Variants in GJA4 observed in about 807,000 individuals in gnomAD.
The protein encoded by GJA4 is gap junction alpha-4 protein.
A neutral mutation model predicts 25.1 loss-of-function variants in GJA4; 13 were observed. The observed-to-expected ratio is 0.52, with a 90% CI of 0.34 to 0.82. The LOEUF is 0.82. Among genes scored for constraint, GJA4 ranks in the 40% least tolerant of loss-of-function variants. The probability of loss-of-function intolerance (pLI) is 0.02; values close to 1 mark genes in which losing one functional copy is unlikely to be tolerated. For missense variants in GJA4, 357 were observed against 443.5 expected, an observed-to-expected ratio of 0.80 and a Z score of 1.75; for synonymous variants, 167 against 193.9, an observed-to-expected ratio of 0.86 and a Z score of 1.15.
Position 34,794,744 on chromosome 1 carries a change from C to T in GJA4, c.531C>T (p.Tyr177=), listed in dbSNP as rs767171033. The change falls in exon 2 of 2, where the codon TAC becomes TAT. Residue 177 remains tyrosine, a synonymous_variant. Coordinates refer to ENST00000342280, the MANE Select transcript of GJA4 (RefSeq NM_002060.3). The surrounding 1 kb of genome is among the most constrained non-coding windows in gnomAD (Gnocchi z 7.8). ...TCCTCTATGGCCAGTGGCGCCTGTA[C>T]GGCTGGACCATGGAGCCCGTGTTTG... ...AGFLYGQWRL[Y]GWTMEPVFVC... 1.1e-5 allele frequency: 18 copies of T among 1,613,606 alleles called. No homozygotes were observed. In the East Asian group the frequency reaches 2.2e-4, roughly 20 times the overall value.
Position 34,794,160 on chromosome 1 carries a change from C to A in GJA4, c.-17-37C>A, listed in dbSNP as rs140567865. ...TGTTGCTGGGCGAACGAGAAGGATG[C>A]CATGCTGACACACTGACGTGCTCTG... On this transcript the variant is annotated intron_variant, in intron 1 of 1. Transcript: ENST00000342280. This position sits in a 1 kb window ranked among gnomAD's most constrained non-coding sequence, Gnocchi z 7.8. The A allele has an allele frequency of 1.3e-4, 192 of 1,529,838 alleles. 2 individuals carry two copies. In the African/African-American group the frequency reaches 1.9e-3, roughly 15 times the overall value. 94.8% of individuals were successfully genotyped at this position (1,529,838 alleles called of 1,614,324 possible). A position where few individuals can be genotyped will look rare whatever the true frequency, so the allele number is the denominator to read the frequency against.
chr1:34,793,589 G>A (rs894429164), intron 1 of GJA4, among the ~76,000 whole-genome samples: 10 of 152,314 alleles, frequency 6.6e-5, no homozygotes, highest in Admixed American at 3.3e-4. Context: ...ATTGCTGACC[G>A]GTGGAGCTAA....
Position 34,794,771 on chromosome 1 carries a change from G to T in GJA4, c.558G>T (p.Val186=). The change falls in exon 2 of 2, where the codon GTG becomes GTT. Residue 186 remains valine (V), a synonymous_variant. Coordinates refer to ENST00000342280, the MANE Select transcript of GJA4 (RefSeq NM_002060.3). This position sits in a 1 kb window ranked among gnomAD's most constrained non-coding sequence, Gnocchi z 7.8. ...GCTGGACCATGGAGCCCGTGTTTGTGTGCCAGCGAGCACCCTGCCCCTACC... is the reference window on the plus strand; with the variant it reads ...GCTGGACCATGGAGCCCGTGTTTGTTTGCCAGCGAGCACCCTGCCCCTACC... The part of the protein sequence containing the change: ...LYGWTMEPVF[V]CQRAPCPYLV... 6.2e-7 allele frequency: 1 copy of T among 1,614,030 alleles called. No homozygotes were observed. The highest frequency in any genetic ancestry group is 1.3e-5 in the African/African-American group (1 of 75,040).
rs1167053930 is a variant in GJA4 at position 34,794,084 on chromosome 1, G to T, written c.-17-113G>T. ...CCAGGCCAGTCCTTCCCCTTCCTGA[G>T]CCTGGGTTTCTTTGTAGGTAGAACG... is the stretch of plus-strand genomic sequence containing the variant. On this transcript the variant is annotated intron_variant, in intron 1 of 1. Transcript: ENST00000342280. The surrounding 1 kb of genome is among the most constrained non-coding windows in gnomAD (Gnocchi z 7.8). 1.2e-6 allele frequency: 1 copy of T among 836,456 alleles called. No homozygotes were observed. The highest frequency in any genetic ancestry group is 1.9e-6 in the Non-Finnish European group (1 of 540,026). 51.8% of individuals were successfully genotyped at this position (836,456 alleles called of 1,614,324 possible). A position where few individuals can be genotyped will look rare whatever the true frequency, so the allele number is the denominator to read the frequency against.
Position 34,794,275 on chromosome 1 carries a change from TG to T in GJA4, c.65del (p.Gly22ValfsTer5). 6.2e-7 allele frequency: 1 copy of T among 1,614,100 alleles called. No individual in the cohort carries two copies. On this transcript the variant is annotated frameshift_variant, in exon 2 of 2. Coordinates refer to ENST00000342280, the MANE Select transcript of GJA4 (RefSeq NM_002060.3). LOFTEE classifies it high-confidence loss of function. This position sits in a 1 kb window ranked among gnomAD's most constrained non-coding sequence, Gnocchi z 7.8. ...LDQVQEHSTV[V>X]GKIWLTVLFI... ...CAGGTCCAGGAGCACTCGACCGTGGTGGGTAAGATCTGGCTGACGGTGCTCT... is the reference window on the plus strand; with the variant it reads ...CAGGTCCAGGAGCACTCGACCGTGGTGGTAAGATCTGGCTGACGGTGCTCT...
At position 34,795,151 on chromosome 1, in the gene GJA4, C is replaced by T; in HGVS notation, c.938C>T (p.Pro313Leu). 1 of 1,613,144 alleles carries T rather than the reference C, an allele frequency of 6.2e-7. No individual in the cohort carries two copies. Among genetic ancestry groups the T allele is most frequent in the South Asian group, 1.1e-5 (1 of 91,056 alleles). Reference sequence around the variant, plus strand: ...CCCCCTCTCTTCCTGGACCCACCCCCTCAGAATGGCCAAAAACCCCCAAGT... The same window carrying T: ...CCCCCTCTCTTCCTGGACCCACCCCTTCAGAATGGCCAAAAACCCCCAAGT... ...SRPPLFLDPPPQNGQKPPSRP... is the reference protein window; with the variant it reads ...SRPPLFLDPPLQNGQKPPSRP... Residue 313 changes from proline to leucine, a missense_variant, in exon 2 of 2, where the codon CCT (proline) becomes CTT (leucine). This residue lies in a region of GJA4 where 278 missense variants were observed against 298.1 expected (regional missense o/e 0.93). Transcript: ENST00000342280.
intron 1 of GJA4, among the ~76,000 whole-genome samples, chr1:34,793,623 T>TA (rs1640222664): frequency 6.6e-6 from 1 of 152,186 alleles, no homozygotes; most frequent in Non-Finnish European, 1.5e-5. Flanking sequence ...CTTCAGCTCC[T>TA]AAAACCCCTT....
rs1359282885 is a variant in GJA4, at chr1:34,794,658, G to A, written c.445G>A (p.Gly149Arg). Residue 149 changes from glycine to arginine, a missense_variant, in exon 2 of 2, where the codon GGA becomes AGA. Transcript: ENST00000342280. This position sits in a 1 kb window ranked among gnomAD's most constrained non-coding sequence, Gnocchi z 7.8. The part of the protein sequence containing the change: ...VAEDGRLRIR[G>R]ALMGTYVASV... ...AGAAGATGGTCGCCTGCGCATCCGCGGAGCACTGATGGGCACCTATGTCGC... is the reference window on the plus strand; with the variant it reads ...AGAAGATGGTCGCCTGCGCATCCGCAGAGCACTGATGGGCACCTATGTCGC... 7 of 1,609,260 alleles carry A rather than the reference G, an allele frequency of 4.3e-6. No individual in the cohort carries two copies. The highest frequency in any genetic ancestry group is 4.2e-6 in the Non-Finnish European group (5 of 1,179,976).
chr1:34,794,252 G>A lies in GJA4; in HGVS notation c.39G>A (p.Gln13=). 1 of 1,614,216 alleles carries A rather than the reference G, an allele frequency of 6.2e-7. No homozygotes were observed. Among genetic ancestry groups the A allele is most frequent in the Non-Finnish European group, 8.5e-7 (1 of 1,180,026 alleles). ...GCTTCCTGGAGAAGTTGCTGGACCA[G>A]GTCCAGGAGCACTCGACCGTGGTGG... The part of the protein sequence containing the change: ...DWGFLEKLLD[Q]VQEHSTVVGK... The change falls in exon 2 of 2, where the codon CAG becomes CAA. Residue 13 remains glutamine, a synonymous_variant. Coordinates refer to ENST00000342280, the MANE Select transcript of GJA4 (RefSeq NM_002060.3). This position sits in a 1 kb window ranked among gnomAD's most constrained non-coding sequence, Gnocchi z 7.8.
rs1371956170 is a variant in GJA4, at chr1:34,794,474, A to G, written c.261A>G (p.Thr87=). The change falls in exon 2 of 2, where the codon ACA becomes ACG. Residue 87 remains threonine (T), a synonymous_variant. Coordinates refer to ENST00000342280, the MANE Select transcript of GJA4 (RefSeq NM_002060.3). The surrounding 1 kb of genome is among the most constrained non-coding windows in gnomAD (Gnocchi z 7.8). ...YWVLQFLFVS[T]PTLVYLGHVI... The stretch of plus-strand genomic sequence containing the variant: ...TGCTGCAGTTCCTCTTCGTCAGCAC[A>G]CCCACCCTGGTCTACCTGGGCCATG... 3 of 1,613,776 alleles carry G rather than the reference A, an allele frequency of 1.9e-6. No individual in the cohort carries two copies. Among genetic ancestry groups the G allele is most frequent in the Non-Finnish European group, 1.7e-6 (2 of 1,179,964 alleles).
chr1:34,794,333 C>T lies in GJA4; in HGVS notation c.120C>T (p.Ala40=), dbSNP rs372927658. The change falls in exon 2 of 2, where the codon GCC becomes GCT. Residue 40 remains alanine, a synonymous_variant. Transcript: ENST00000342280. The surrounding 1 kb of genome is among the most constrained non-coding windows in gnomAD (Gnocchi z 7.8). Reference sequence around the variant, plus strand: ...TCCGCATCCTCATCCTGGGCCTGGCCGGCGAGTCAGTGTGGGGTGACGAGC... The same window carrying T: ...TCCGCATCCTCATCCTGGGCCTGGCTGGCGAGTCAGTGTGGGGTGACGAGC... ...FIFRILILGL[A]GESVWGDEQS... is the part of the protein sequence containing the mutation. 1.2e-6 allele frequency: 2 copies of T among 1,614,144 alleles called. No homozygotes were observed. The highest frequency in any genetic ancestry group is 1.1e-5 in the South Asian group (1 of 91,074).
In GJA4 at chr1:34,795,168, C is replaced by T. The variant is rs1764391; in HGVS notation, c.955C>T (p.Pro319Ser). The T allele has an allele frequency of 0.3, 489,102 of 1,611,582 alleles. 78,464 individuals are homozygous for T. The highest frequency in any genetic ancestry group is 0.54 in the African/African-American group (40,459 of 74,862). ...LDPPPQNGQK[P>S]PSRPSSSASK... ...CCCACCCCCTCAGAATGGCCAAAAA[C>T]CCCCAAGTCGTCCCAGCAGCTCTGC... The change falls in exon 2 of 2, where the codon CCC (proline) becomes TCC (serine). Residue 319 changes from proline to serine, a missense_variant. Transcript: ENST00000342280.
Position 34,795,212 on chromosome 1 carries a change from A to G in GJA4, c.999A>G (p.Val333=), listed in dbSNP as rs747750822. ...GCTCTGCTTCTAAGAAGCAGTATGT[A>G]TAGAGGCCTGTGGCTTATGTCACCC... ...PSSSASKKQY[V] is the part of the protein sequence containing the mutation. The change falls in exon 2 of 2, where the codon GTA becomes GTG. Residue 333 remains valine, a synonymous_variant. Coordinates refer to ENST00000342280, the MANE Select transcript of GJA4 (RefSeq NM_002060.3). 2 of 1,598,886 alleles carry G rather than the reference A, an allele frequency of 1.3e-6. No individual in the cohort carries two copies. The highest frequency in any genetic ancestry group is 1.7e-5 in the Admixed American group (1 of 58,202).
At position 34,794,864 on chromosome 1, in the gene GJA4, A is replaced by C. The variant is rs1293894406; in HGVS notation, c.651A>C (p.Gly217=). The change falls in exon 2 of 2, where the codon GGA becomes GGC. Residue 217 remains glycine, a synonymous_variant. Transcript: ENST00000342280. The surrounding 1 kb of genome is among the most constrained non-coding windows in gnomAD (Gnocchi z 7.8). ...TIFIIFMLVV[G]LISLVLNLLE... ...TCATCATCTTCATGTTGGTGGTTGG[A>C]CTCATCTCCCTGGTGCTTAACCTGC... 1 of 1,613,770 alleles carries C rather than the reference A, an allele frequency of 6.2e-7. No individual in the cohort carries two copies. The highest frequency in any genetic ancestry group is 2.2e-5 in the East Asian group (1 of 44,832).
Position 34,794,497 on chromosome 1 carries a change from A to G in GJA4, c.284A>G (p.His95Arg). ...VSTPTLVYLG[H>R]VIYLSRREER... ...ACACCCACCCTGGTCTACCTGGGCCATGTCATTTACCTGTCTCGGCGAGAA... is the reference window on the plus strand; with the variant it reads ...ACACCCACCCTGGTCTACCTGGGCCGTGTCATTTACCTGTCTCGGCGAGAA... Residue 95 changes from histidine (H) to arginine (R), a missense_variant, in exon 2 of 2, where the codon CAT becomes CGT. Physicochemically the swap from His to Arg is conservative, Grantham distance 29. Around this residue, in one of 2 missense-constraint regions of GJA4, gnomAD observed 79 missense variants for 145.4 expected, o/e 0.54. Transcript: ENST00000342280. The surrounding 1 kb of genome is among the most constrained non-coding windows in gnomAD (Gnocchi z 7.8). The G allele has an allele frequency of 6.2e-7, 1 of 1,614,116 alleles. No homozygotes were observed.
chr1:34,794,085 C>A lies in GJA4; in HGVS notation c.-17-112C>A. 1 of 839,566 alleles carries A rather than the reference C, an allele frequency of 1.2e-6. No individual in the cohort carries two copies. Among genetic ancestry groups the A allele is most frequent in the Non-Finnish European group, 1.8e-6 (1 of 542,660 alleles). 52.0% of individuals were successfully genotyped at this position (839,566 alleles called of 1,614,324 possible). On this transcript the variant is annotated intron_variant, in intron 1 of 1. Transcript: ENST00000342280. The surrounding 1 kb of genome is among the most constrained non-coding windows in gnomAD (Gnocchi z 7.8). Reference sequence around the variant, plus strand: ...CAGGCCAGTCCTTCCCCTTCCTGAGCCTGGGTTTCTTTGTAGGTAGAACGG... The same window carrying A: ...CAGGCCAGTCCTTCCCCTTCCTGAGACTGGGTTTCTTTGTAGGTAGAACGG...
chr1:34,794,257 A>G lies in GJA4; in HGVS notation c.44A>G (p.Gln15Arg). 1.2e-6 allele frequency: 2 copies of G among 1,614,218 alleles called. No individual in the cohort carries two copies. The highest frequency in any genetic ancestry group is 1.7e-6 in the Non-Finnish European group (2 of 1,180,036). The change falls in exon 2 of 2, where the codon CAG (glutamine) becomes CGG (arginine). Residue 15 changes from glutamine (Q) to arginine (R), a missense_variant. Transcript: ENST00000342280. This position sits in a 1 kb window ranked among gnomAD's most constrained non-coding sequence, Gnocchi z 7.8. ...CTGGAGAAGTTGCTGGACCAGGTCC[A>G]GGAGCACTCGACCGTGGTGGGTAAG... The part of the protein sequence containing the change: ...GFLEKLLDQV[Q>R]EHSTVVGKIW...
Position 34,795,263 on chromosome 1 carries a change from C to G in GJA4, c.*48C>G. On this transcript the variant is annotated 3_prime_UTR_variant, in exon 2 of 2. Coordinates refer to ENST00000342280, the MANE Select transcript of GJA4 (RefSeq NM_002060.3). ...AACAGAGGGGTCCTGAGAAGTCTGG[C>G]TGCCTGGGATGCCCCCTGCCCCCTC... 1 of 1,341,758 alleles carries G rather than the reference C, an allele frequency of 7.5e-7. No homozygotes were observed. Among genetic ancestry groups the G allele is most frequent in the South Asian group, 1.4e-5 (1 of 73,242 alleles). 83.1% of individuals were successfully genotyped at this position (1,341,758 alleles called of 1,614,324 possible).
chr1:34,793,168 ACGC>A lies in GJA4; in HGVS notation c.-18+102_-18+104del, dbSNP rs200883588. 3.0e-3 allele frequency: 740 copies of A among 246,130 alleles called. 5 individuals are homozygous for A. The highest frequency in any genetic ancestry group is 0.016 in the African/African-American group (696 of 42,258). The allele number at this position is 246,130 out of a possible 1,614,324, so 15.2% of individuals were successfully genotyped here. On this transcript the variant is annotated intron_variant, in intron 1 of 1. Coordinates refer to ENST00000342280, the MANE Select transcript of GJA4 (RefSeq NM_002060.3). ...ATGCCGGGACGGGGGTTGCTGCGGA[ACGC>A]CCGCCGCGACAGAGCCGCGCTCACC... is the stretch of plus-strand genomic sequence containing the variant.
Sources: allele counts gnomAD v4.1 joint callset (sites outside exome capture counted in the v4.1 genomes callset), GRCh38; gene constraint gnomAD v4.1.1; regional missense constraint gnomAD v4.1.1; non-coding constraint Gnocchi (gnomAD v3.1); transcripts MANE v1.5; gene names NCBI Gene and HGNC (gene_info 2026-07-23, HGNC 2026-07-21).